Variants in FSTL4 observed in about 807,000 individuals in gnomAD.
FSTL4 encodes the protein follistatin-related protein 4.
In FSTL4, 28 loss-of-function variants were observed where a neutral mutation model predicts 78.2. That is an observed-to-expected ratio of 0.36 (90% CI 0.27 to 0.49). The LOEUF is 0.49. FSTL4 is among the 20% of genes least tolerant of loss of function. The pLI is 0.98. For missense variants in FSTL4, 922 were observed against 1,084.9 expected, an observed-to-expected ratio of 0.85 and a Z score of 2.11; for synonymous variants, 422 against 440.5, an observed-to-expected ratio of 0.96 and a Z score of 0.53.
chr5:133,486,767 T>C (rs901249202), intron 3 of FSTL4, among the ~76,000 whole-genome samples: 2 of 152,020 alleles, frequency 1.3e-5, no homozygotes, highest in African/African-American at 2.4e-5. Context: ...GAGCTGGCGG[T>C]GGGTGGGCGG....
the FSTL4 span, among the ~76,000 whole-genome samples, chr5:133,681,815 C>T: frequency 3.3e-5 from 5 of 152,172 alleles, no homozygotes; most frequent in African/African-American, 4.8e-5. Flanking sequence ...ATTCCAGACT[C>T]GTCCTTGGGT....
intron 2 of FSTL4, among the ~76,000 whole-genome samples, chr5:133,574,636 T>C (rs938702901): frequency 1.3e-5 from 2 of 152,190 alleles, no homozygotes; most frequent in Admixed American, 1.3e-4. Flanking sequence ...AGCACCAAAA[T>C]GCATGTATAA....
At chr5:133,379,472 C>T (rs547703445) in intron 4 of FSTL4, among the ~76,000 whole-genome samples, 39 of 151,890 alleles carry the variant, frequency 2.6e-4, no homozygotes, top group Non-Finnish European at 4.3e-4. Flanking sequence ...GTACATAGAA[C>T]ATTTTCCAGG....
At chr5:133,727,519 G>C in the FSTL4 span, among the ~76,000 whole-genome samples, 2 of 152,164 alleles carry the variant, frequency 1.3e-5, no homozygotes, top group African/African-American at 4.8e-5. Flanking sequence ...TAACTGTAAA[G>C]GGACAATTGA....
chr5:133,622,963 T>G, the FSTL4 span, among the ~76,000 whole-genome samples: 1 of 152,264 alleles, frequency 6.6e-6, no homozygotes, highest in African/African-American at 2.4e-5. Flanking sequence ...GTGTCAAGTC[T>G]AAATACAAAA....
intron 6 of FSTL4, among the ~76,000 whole-genome samples, chr5:133,302,085 C>G (rs1037446337): frequency 6.6e-6 from 1 of 151,914 alleles, no homozygotes; most frequent in Non-Finnish European, 1.5e-5. Context: ...TTCGCTTGTC[C>G]CAGTCAAAAT....
At chr5:133,387,269 G>C (rs137968721) in intron 4 of FSTL4, among the ~76,000 whole-genome samples, 176 of 152,318 alleles carry the variant, frequency 1.2e-3, no homozygotes, top group Admixed American at 0.01. Flanking sequence ...GCCAGTACTG[G>C]TGCCGTCATT....
intron 3 of FSTL4, among the ~76,000 whole-genome samples, chr5:133,425,507 T>C (rs1203113261): frequency 2.0e-5 from 3 of 152,198 alleles, no homozygotes; most frequent in Non-Finnish European, 2.9e-5. Context: ...TGAGTTCAAA[T>C]TGTTCAGCAG....
chr5:133,807,436 T>C, the FSTL4 span, among the ~76,000 whole-genome samples: 2 of 152,232 alleles, frequency 1.3e-5, no homozygotes, highest in African/African-American at 4.8e-5. Flanking sequence ...GGGCTCCTCA[T>C]ACTTTAAACG....
At chr5:133,482,764 C>T (rs977750544) in intron 3 of FSTL4, among the ~76,000 whole-genome samples, 10 of 152,178 alleles carry the variant, frequency 6.6e-5, no homozygotes, top group African/African-American at 2.2e-4. Context: ...AGGGCAGGGG[C>T]TCTGAGATCC....
chr5:133,758,810 A>T, the FSTL4 span, among the ~76,000 whole-genome samples: 1 of 152,218 alleles, frequency 6.6e-6, no homozygotes, highest in Admixed American at 6.5e-5. Flanking sequence ...ATAAGGTTAC[A>T]GTTAAGATGA....
At chr5:133,821,539 C>T in the FSTL4 span, among the ~76,000 whole-genome samples, 1 of 152,212 alleles carries the variant, frequency 6.6e-6, no homozygotes, top group Admixed American at 6.5e-5. Context: ...ACATGGGCCA[C>T]TCTAGAAACA....
chr5:133,439,392 G>A (rs903801823), intron 3 of FSTL4, among the ~76,000 whole-genome samples: 11 of 152,108 alleles, frequency 7.2e-5, no homozygotes, highest in African/African-American at 2.4e-4. Flanking sequence ...CTTCAATCAG[G>A]ACAAAAGCTA....
At chr5:133,676,187 ATATCT>A in the FSTL4 span, among the ~76,000 whole-genome samples, 14 of 152,358 alleles carry the variant, frequency 9.2e-5, no homozygotes, top group South Asian at 4.1e-4. Flanking sequence ...TTTCTAAGAA[ATATCT>A]TATCTTAAGA....
At chr5:133,680,722 G>A in the FSTL4 span, among the ~76,000 whole-genome samples, 1 of 152,194 alleles carries the variant, frequency 6.6e-6, no homozygotes, top group Non-Finnish European at 1.5e-5. Context: ...TTTGGCAGAG[G>A]GGAGGGGTAG....
intron 4 of FSTL4, among the ~76,000 whole-genome samples, chr5:133,357,849 C>T (rs576599581): frequency 6.6e-6 from 1 of 152,320 alleles, no homozygotes; most frequent in Non-Finnish European, 1.5e-5. Flanking sequence ...CCACAAAACA[C>T]CTGGGGCCTT....
At chr5:133,268,253 T>C (rs1218044848) in intron 6 of FSTL4, among the ~76,000 whole-genome samples, 4 of 152,272 alleles carry the variant, frequency 2.6e-5, no homozygotes, top group Admixed American at 1.3e-4. Flanking sequence ...GCTTCATCTA[T>C]TGTCGCCCAA....
At chr5:133,221,902 T>TGTTG (rs1751130082) in intron 11 of FSTL4, among the ~76,000 whole-genome samples, 1 of 99,698 alleles carries the variant, frequency 1.0e-5, no homozygotes, top group Non-Finnish European at 1.8e-5. Flanking sequence ...TTTTTTTTTT[T>TGTTG]TTTTTTTTTT....
chr5:133,644,590 G>A, the FSTL4 span, among the ~76,000 whole-genome samples: 1 of 152,102 alleles, frequency 6.6e-6, no homozygotes, highest in East Asian at 1.9e-4. Flanking sequence ...GACAGCTTTG[G>A]TGGAGAAGAC....
Sources: gnomAD v4.1 joint callset for allele counts (sites outside exome capture counted in the v4.1 genomes callset) on GRCh38, gnomAD v4.1.1 for gene constraint, MANE v1.5 for transcripts, NCBI Gene and HGNC (gene_info 2026-07-23, HGNC 2026-07-21) for gene names.